CENPF: variants seen among roughly 807,000 people sequenced by gnomAD.
The protein encoded by CENPF is centromere protein F.
A neutral mutation model predicts 307.3 loss-of-function variants in CENPF; 214 were observed. The observed-to-expected ratio is 0.70, with a 90% CI of 0.62 to 0.78. The LOEUF is 0.78. CENPF is among the 30% of genes least tolerant of loss of function. The pLI is 0.00. For missense variants in CENPF, 3,401 were observed against 3,483.9 expected (o/e 0.98, Z 0.60); for synonymous variants, 1,259 against 1,270.6 (o/e 0.99, Z 0.19).
chr1:214,618,654 A>G lies in CENPF; in HGVS notation c.441A>G (p.Lys147=), dbSNP rs764439850. The change falls in exon 4 of 20, where the codon AAA becomes AAG. Residue 147 remains lysine (K), a synonymous_variant. Transcript: ENST00000366955. ...TGAATCCATGCAATACACCACAAAAAATTTTTACAACTCCACTAACACCAA... is the reference window on the plus strand; with the variant it reads ...TGAATCCATGCAATACACCACAAAAGATTTTTACAACTCCACTAACACCAA... ...VSLNPCNTPQ[K]IFTTPLTPSQ... 9.3e-6 allele frequency: 15 copies of G among 1,613,882 alleles called. No homozygotes were observed. Among genetic ancestry groups the G allele is most frequent in the Middle Eastern group, 3.3e-4 (2 of 6,082 alleles).
At chr1:214,647,757 T>A (rs796309207) in intron 13 of CENPF, among the ~76,000 whole-genome samples, 2 of 152,332 alleles carry the variant, frequency 1.3e-5, no homozygotes, top group African/African-American at 4.8e-5. Flanking sequence ...TGAGACTCAC[T>A]GCTATAGAGA....
chr1:214,628,084 ATGT>A (rs1421951885), intron 7 of CENPF, among the ~76,000 whole-genome samples: 4 of 152,180 alleles, frequency 2.6e-5, no homozygotes. Flanking sequence ...GCCCAGGGTC[ATGT>A]TGTGCTACAT....
intron 19 of CENPF, among the ~76,000 whole-genome samples, chr1:214,662,076 G>A (rs796583469): frequency 2.6e-5 from 4 of 152,224 alleles, no homozygotes; most frequent in African/African-American, 9.6e-5. Flanking sequence ...GAGGGGAGAA[G>A]CCAGAAAGAG....
At chr1:214,606,161 C>A in intron 1 of CENPF, 1 of 1,344,100 alleles carries the variant, frequency 7.4e-7, no homozygotes, top group South Asian at 1.4e-5. Flanking sequence ...GGGCCCAGCT[C>A]CGGATGCGAC....
rs1000186164 is a variant in CENPF at position 214,640,883 on chromosome 1, C to G, written c.2545C>G (p.Leu849Val). ...LESQKQMNSD[L>V]QKQCEELVQI... Reference sequence around the variant, plus strand: ...GTCTCAAAAACAGATGAACTCAGACCTGCAAAAGCAGTGTGAAGAGTTGGT... The same window carrying G: ...GTCTCAAAAACAGATGAACTCAGACGTGCAAAAGCAGTGTGAAGAGTTGGT... The change falls in exon 12 of 20, where the codon CTG (leucine) becomes GTG (valine). Residue 849 changes from leucine (L) to valine (V), a missense_variant. By Grantham distance (32) the Leu-to-Val change is conservative. Coordinates refer to ENST00000366955, the MANE Select transcript of CENPF (RefSeq NM_016343.4). 4 of 1,604,216 alleles carry G rather than the reference C, an allele frequency of 2.5e-6. No individual in the cohort carries two copies. In the African/African-American group the frequency reaches 4.0e-5, roughly 16 times the overall value.
At chr1:214,628,923 T>C in intron 7 of CENPF, 123 bp from the exon 8 acceptor site, 1 of 685,110 alleles carries the variant, frequency 1.5e-6, no homozygotes, top group Non-Finnish European at 2.3e-6. Flanking sequence ...ACATCCTTGC[T>C]AATAGTTCCT....
At chr1:214,632,637 T>C (rs764842631) in intron 10 of CENPF, 35 bp downstream of exon 10, 17 of 1,608,608 alleles carry the variant, frequency 1.1e-5, no homozygotes, top group African/African-American at 4.0e-5. Flanking sequence ...TCTCCACTTA[T>C]GTAAGAACCA....
intron 19 of CENPF, among the ~76,000 whole-genome samples, chr1:214,662,545 C>A (rs1658815310): frequency 6.6e-6 from 1 of 152,114 alleles, no homozygotes; most frequent in Non-Finnish European, 1.5e-5. Context: ...AGAAGGAGAT[C>A]CCTGGAAGTC....
intron 1 of CENPF, among the ~76,000 whole-genome samples, chr1:214,612,583 C>T (rs1342795873): frequency 1.3e-5 from 2 of 152,152 alleles, no homozygotes; most frequent in East Asian, 1.9e-4. Flanking sequence ...CAGGAGAAGG[C>T]AGAGGCCCCA....
intron 1 of CENPF, chr1:214,613,274 C>A: frequency 7.9e-6 from 2 of 252,724 alleles, no homozygotes; most frequent in South Asian, 5.7e-5. Context: ...TGTCCCAGGT[C>A]TTCATCATCT....
At chr1:214,644,247 C>T (rs1164766938) in intron 12 of CENPF, among the ~76,000 whole-genome samples, 1 of 152,162 alleles carries the variant, frequency 6.6e-6, no homozygotes, top group Non-Finnish European at 1.5e-5. Context: ...CATATTTAGG[C>T]TACCTGAATA....
rs956271185 is a variant in CENPF at position 214,644,447 on chromosome 1, G to A, written c.4987-110G>A. ...TGGGAAATTCACCACTTTAAGAGAT[G>A]TGTTTAGCAGAGGCCACGCATCAGT... On this transcript the variant is annotated intron_variant, in intron 12 of 19. Transcript: ENST00000366955. 5 of 955,934 alleles carry A rather than the reference G, an allele frequency of 5.2e-6. No homozygotes were observed. In the African/African-American group the frequency reaches 6.7e-5, roughly 13 times the overall value. 59.2% of individuals were successfully genotyped at this position (955,934 alleles called of 1,614,324 possible). A position where few individuals can be genotyped will look rare whatever the true frequency, so the allele number is the denominator to read the frequency against.
chr1:214,647,022 G>T lies in CENPF; in HGVS notation c.7452G>T (p.Gln2484His). 6.2e-7 allele frequency: 1 copy of T among 1,614,004 alleles called. No homozygotes were observed. Among genetic ancestry groups the T allele is most frequent in the Non-Finnish European group, 8.5e-7 (1 of 1,179,958 alleles). ...AGTGTCTTGAACTTGAGAAGGCTCA[G>T]TTGCTACAAGGCCTTGATGAGGCCA... ...QVECLELEKA[Q>H]LLQGLDEAKN... The change falls in exon 13 of 20, where the codon CAG becomes CAT. Residue 2484 changes from glutamine to histidine, a missense_variant. Physicochemically the swap from Gln to His is conservative, Grantham distance 24. Coordinates refer to ENST00000366955, the MANE Select transcript of CENPF (RefSeq NM_016343.4).
Position 214,660,755 on chromosome 1 carries a change from A to G in CENPF, c.9141+1727A>G, listed in dbSNP as rs140962986. ...TAGAAAACCATGACATATAGCTGGT[A>G]CTCTATGCCTCCACTGTCTTTAGGC... On this transcript the variant is annotated intron_variant, in intron 19 of 19. Transcript: ENST00000366955. 7.3e-3 allele frequency among the ~76,000 whole-genome samples: 1,111 copies of G among 152,252 alleles called. 17 individuals carry two copies. The highest frequency in any genetic ancestry group is 0.025 in the African/African-American group (1,032 of 41,540).
chr1:214,618,585 G>T lies in CENPF; in HGVS notation c.372G>T (p.Glu124Asp), dbSNP rs977268028. The part of the protein sequence containing the change: ...LEQELKRCKS[E>D]LERSQQAAQS... Reference sequence around the variant, plus strand: ...CCTTTTCTAACAGGTGTAAATCTGAGCTTGAAAGAAGCCAACAAGCTGCGC... The same window carrying T: ...CCTTTTCTAACAGGTGTAAATCTGATCTTGAAAGAAGCCAACAAGCTGCGC... The change falls in exon 4 of 20, where the codon GAG becomes GAT. Residue 124 changes from glutamate (E) to aspartate (D), a missense_variant. Coordinates refer to ENST00000366955, the MANE Select transcript of CENPF (RefSeq NM_016343.4). 4 of 1,613,944 alleles carry T rather than the reference G, an allele frequency of 2.5e-6. No individual in the cohort carries two copies. In the Admixed American group the frequency reaches 5.0e-5, roughly 20 times the overall value.
chr1:214,608,862 G>A, intron 1 of CENPF: 1 of 1,504,540 alleles, frequency 6.6e-7, no homozygotes, highest in South Asian at 1.2e-5. Context: ...CCCGGGCCAG[G>A]CCCCCACCGG....
chr1:214,615,988 T>G (rs928218626), intron 3 of CENPF, among the ~76,000 whole-genome samples: 2 of 152,144 alleles, frequency 1.3e-5, no homozygotes, highest in African/African-American at 4.8e-5. Context: ...TTTACACTGC[T>G]AACTTCCAAA....
chr1:214,615,091 CT>C, intron 3 of CENPF, 63 bp downstream of exon 3: 2 of 1,176,510 alleles, frequency 1.7e-6, no homozygotes, highest in Non-Finnish European at 2.3e-6. Flanking sequence ...ATGCGTTTGT[CT>C]TTTCCTTTAA....
chr1:214,605,455 TTA>T, intron 1 of CENPF: 2 of 524,516 alleles, frequency 3.8e-6, no homozygotes, highest in African/African-American at 1.9e-5. Context: ...TTTTTTTTTT[TTA>T]AATTTTAAAT....
Sources: gnomAD v4.1 joint callset for allele counts (sites outside exome capture counted in the v4.1 genomes callset) on GRCh38, gnomAD v4.1.1 for gene constraint, MANE v1.5 for transcripts, NCBI Gene and HGNC (gene_info 2026-07-23, HGNC 2026-07-21) for gene names.